ELP4: variants seen among roughly 807,000 people sequenced by gnomAD.
ELP4 encodes the protein elongator complex protein 4.
Under a neutral mutation model 48.9 loss-of-function variants are expected in ELP4, and 51 were observed. That is an observed-to-expected ratio of 1.04 (90% CI 0.83 to 1.32). ELP4 has a LOEUF of 1.32. Ranked by LOEUF, ELP4 falls within the 40% of genes most tolerant of loss-of-function variation. The pLI, the probability that ELP4 is intolerant of heterozygous loss-of-function variation, is 0.00. For missense variants in ELP4, 519 were observed against 514.6 expected (o/e 1.01, Z -0.08); for synonymous variants, 210 against 189.2 (o/e 1.11, Z -0.90).
chr11:31,621,543 C>T (rs1944621944), intron 5 of ELP4, among the ~76,000 whole-genome samples: 1 of 151,924 alleles, frequency 6.6e-6, no homozygotes, highest in Non-Finnish European at 1.5e-5. Flanking sequence ...CCTCATACCA[C>T]ACATGTACAT....
At chr11:31,554,172 A>G (rs927096339) in intron 3 of ELP4, among the ~76,000 whole-genome samples, 1 of 152,164 alleles carries the variant, frequency 6.6e-6, no homozygotes, top group Non-Finnish European at 1.5e-5. Flanking sequence ...TAATTATTTC[A>G]TTGTATATCA....
At chr11:31,561,352 AT>A (rs1193953113) in intron 3 of ELP4, among the ~76,000 whole-genome samples, 11 of 152,344 alleles carry the variant, frequency 7.2e-5, no homozygotes, top group Non-Finnish European at 1.0e-4. Context: ...ATATTAATAG[AT>A]GCCAAAGTTC....
intron 3 of ELP4, among the ~76,000 whole-genome samples, chr11:31,591,519 G>C (rs1592142919): frequency 6.6e-6 from 1 of 151,442 alleles, no homozygotes; most frequent in East Asian, 1.9e-4. Flanking sequence ...TATCATTGTC[G>C]TTAGGAAAAT....
At chr11:31,645,036 G>T (rs2134065751) in intron 7 of ELP4, among the ~76,000 whole-genome samples, 1 of 151,812 alleles carries the variant, frequency 6.6e-6, no homozygotes, top group East Asian at 1.9e-4. Context: ...CAAAATAAAT[G>T]TGCAGAAAGC....
chr11:31,701,664 C>G (rs1249745369), intron 9 of ELP4, among the ~76,000 whole-genome samples: 1 of 150,510 alleles, frequency 6.6e-6, no homozygotes, highest in Non-Finnish European at 1.5e-5. Flanking sequence ...AGTTAATTAA[C>G]TTAAGCCCTA....
At chr11:31,764,255 A>G (rs182848170) in intron 9 of ELP4, among the ~76,000 whole-genome samples, 240 of 152,320 alleles carry the variant, frequency 1.6e-3, no homozygotes, top group Non-Finnish European at 2.8e-3. Flanking sequence ...GTCTCAGAGT[A>G]CATCGTTTGT....
intron 9 of ELP4, among the ~76,000 whole-genome samples, chr11:31,706,236 G>A (rs1403362649): frequency 2.0e-5 from 3 of 151,980 alleles, no homozygotes; most frequent in African/African-American, 4.8e-5. Flanking sequence ...CATCTCAAAC[G>A]TTTATTATTT....
intron 9 of ELP4, among the ~76,000 whole-genome samples, chr11:31,779,166 T>C (rs1948313476): frequency 6.6e-6 from 1 of 152,234 alleles, no homozygotes; most frequent in Non-Finnish European, 1.5e-5. Context: ...AAAATAAATC[T>C]TTAGTCATCT....
At chr11:31,570,488 G>A (rs1957176692) in intron 3 of ELP4, among the ~76,000 whole-genome samples, 2 of 132,000 alleles carry the variant, frequency 1.5e-5, no homozygotes, top group South Asian at 4.8e-4. Context: ...TTTTTTTTGA[G>A]ATAGAGTCTC....
intron 2 of ELP4, among the ~76,000 whole-genome samples, chr11:31,524,005 A>G (rs1315741599): frequency 1.3e-5 from 2 of 152,130 alleles, no homozygotes; most frequent in African/African-American, 4.8e-5. Context: ...CTATTAAAAT[A>G]ATAGGTGACA....
intron 9 of ELP4, chr11:31,689,444 TAAA>T (rs35318641): frequency 3.5e-4 from 46 of 132,414 alleles, no homozygotes; most frequent in South Asian, 4.9e-4. Flanking sequence ...AACCTGTCTT[TAAA>T]AAAAAAAAAA....
intron 5 of ELP4, among the ~76,000 whole-genome samples, chr11:31,612,223 A>G (rs1957994667): frequency 6.6e-6 from 1 of 152,170 alleles, no homozygotes; most frequent in Non-Finnish European, 1.5e-5. Flanking sequence ...TAAAGAGGGA[A>G]TGGATGAAGA....
At chr11:31,591,876 G>GT (rs1284652928) in intron 3 of ELP4, among the ~76,000 whole-genome samples, 1 of 152,184 alleles carries the variant, frequency 6.6e-6, no homozygotes, top group Non-Finnish European at 1.5e-5. Flanking sequence ...GTGATGAGTA[G>GT]TTAATGTGGT....
intron 5 of ELP4, among the ~76,000 whole-genome samples, chr11:31,619,054 T>A (rs1944558529): frequency 6.6e-6 from 1 of 151,986 alleles, no homozygotes; most frequent in Non-Finnish European, 1.5e-5. Flanking sequence ...GCACTGAATT[T>A]TAGAAAATTT....
At chr11:31,587,357 G>A (rs1957493253) in intron 3 of ELP4, among the ~76,000 whole-genome samples, 1 of 152,054 alleles carries the variant, frequency 6.6e-6, no homozygotes, top group Non-Finnish European at 1.5e-5. Flanking sequence ...TGAAGTAATA[G>A]GGGGGAAAAA....
At chr11:31,571,978 T>C (rs1253271520) in intron 3 of ELP4, among the ~76,000 whole-genome samples, 2 of 152,202 alleles carry the variant, frequency 1.3e-5, no homozygotes, top group African/African-American at 2.4e-5. Flanking sequence ...TAAGTGAGTA[T>C]TGGCTTCAAC....
At position 31,632,208 on chromosome 11, in the gene ELP4, T is replaced by G. The variant is rs762834330; in HGVS notation, c.739-9T>G. Reference sequence around the variant, plus strand: ...TTTATATGTTTGCTTTTTTCCCACTTTCTTTTAGAAAAAACAGAGAAACAT... The same window carrying G: ...TTTATATGTTTGCTTTTTTCCCACTGTCTTTTAGAAAAAACAGAGAAACAT... On this transcript the variant is annotated splice_polypyrimidine_tract_variant and intron_variant, in intron 6 of 9. Transcript: ENST00000640961. 10 of 1,594,068 alleles carry G rather than the reference T, an allele frequency of 6.3e-6. No homozygotes were observed. The South Asian group carries it at 1.1e-4, about 18-fold the overall frequency.
intron 9 of ELP4, among the ~76,000 whole-genome samples, chr11:31,749,951 GT>G (rs1947685035): frequency 6.6e-6 from 1 of 151,564 alleles, no homozygotes; most frequent in African/African-American, 2.4e-5. Context: ...CGCCTCCCAG[GT>G]TCACGCCATT....
At chr11:31,731,567 G>GGTGTGTGTGTGTGT (rs148076836) in intron 9 of ELP4, among the ~76,000 whole-genome samples, 3,955 of 142,804 alleles carry the variant, frequency 0.028, 124 homozygotes, top group Admixed American at 0.089. Context: ...CCATTAAGCA[G>GGTGTGTGTGTGTGT]GTGTGTGTGT....
Sources: gnomAD v4.1 joint callset for allele counts (sites outside exome capture counted in the v4.1 genomes callset) on GRCh38, gnomAD v4.1.1 for gene constraint, MANE v1.5 for transcripts, NCBI Gene and HGNC (gene_info 2026-07-23, HGNC 2026-07-21) for gene names.